Variants in NDST4 observed in about 807,000 individuals in gnomAD.
NDST4 encodes the protein N-deacetylase and N-sulfotransferase 4.
A neutral mutation model predicts 100.8 loss-of-function variants in NDST4; 63 were observed. The ratio of observed to expected loss-of-function variants is 0.62; its 90% CI spans 0.51 to 0.77. NDST4 has a LOEUF of 0.77. NDST4 is among the 30% of genes least tolerant of loss of function. The pLI, the probability that NDST4 is intolerant of heterozygous loss-of-function variation, is 0.00. For missense variants in NDST4, 943 were observed against 1,018.4 expected, an observed-to-expected ratio of 0.93 and a Z score of 1.01; for synonymous variants, 377 against 361.8, an observed-to-expected ratio of 1.04 and a Z score of -0.48.
chr4:114,929,726 A>G (rs951662863), intron 6 of NDST4, among the ~76,000 whole-genome samples: 4 of 152,262 alleles, frequency 2.6e-5, no homozygotes, highest in South Asian at 2.1e-4. Flanking sequence ...TGGAAATATT[A>G]GAAGCCAAAT....
rs147585803 is a variant in NDST4, at chr4:115,076,456, A to C, written c.581T>G (p.Phe194Cys). The C allele has an allele frequency of 1.6e-4, 252 of 1,613,962 alleles. No individual in the cohort carries two copies. The African/African-American group carries it at 2.7e-3, about 17-fold the overall frequency. ...CAGCAAAGGAGATTGAGGGTTAACA[A>C]AACAGTCCTTTAGAGCTAGATTATT... is the stretch of plus-strand genomic sequence containing the variant. ...LFNNLALKDC[F>C]VNPQSPLLHI... The change falls in exon 2 of 14, where the codon TTT (phenylalanine) becomes TGT (cysteine). Residue 194 changes from phenylalanine to cysteine, a missense_variant. Phe to Cys is a radical substitution (Grantham distance 205). This residue lies in a region of NDST4 where 417 missense variants were observed against 384.2 expected (regional missense o/e 1.09). Transcript: ENST00000264363.
At chr4:114,875,191 C>T (rs1309905283) in intron 6 of NDST4, among the ~76,000 whole-genome samples, 1 of 152,208 alleles carries the variant, frequency 6.6e-6, no homozygotes, top group African/African-American at 2.4e-5. Context: ...CTGCTTCTGG[C>T]ATCAAGCACT....
intron 2 of NDST4, among the ~76,000 whole-genome samples, chr4:114,982,223 T>C (rs1726792170): frequency 6.6e-6 from 1 of 152,008 alleles, no homozygotes; most frequent in Non-Finnish European, 1.5e-5. Flanking sequence ...GTTGGAACAG[T>C]TTGAAGGGTT....
chr4:115,094,441 A>G (rs1348887257), intron 1 of NDST4, among the ~76,000 whole-genome samples: 1 of 152,174 alleles, frequency 6.6e-6, no homozygotes, highest in East Asian at 1.9e-4. Flanking sequence ...AATAAATAAT[A>G]AGAGAAAACA....
chr4:114,829,272 T>G (rs1337518691), intron 13 of NDST4, among the ~76,000 whole-genome samples: 1 of 152,176 alleles, frequency 6.6e-6, no homozygotes, highest in Non-Finnish European at 1.5e-5. Flanking sequence ...CCTGCCGTTT[T>G]CTGGTTTCGT....
At chr4:115,074,126 C>T (rs986084248) in intron 2 of NDST4, among the ~76,000 whole-genome samples, 1 of 151,752 alleles carries the variant, frequency 6.6e-6, no homozygotes, top group East Asian at 1.9e-4. Context: ...ACACACATAG[C>T]CTTTCTGATT....
At chr4:115,021,403 A>AT (rs1727817247) in intron 2 of NDST4, among the ~76,000 whole-genome samples, 1 of 151,356 alleles carries the variant, frequency 6.6e-6, no homozygotes, top group African/African-American at 2.4e-5. Context: ...CATTCCATAT[A>AT]AATACATTCC....
At chr4:115,095,684 T>C (rs528576197) in intron 1 of NDST4, among the ~76,000 whole-genome samples, 1 of 152,202 alleles carries the variant, frequency 6.6e-6, no homozygotes, top group Non-Finnish European at 1.5e-5. Flanking sequence ...CTCTCATGCT[T>C]TTAAAAAAGT....
At chr4:114,940,275 CCA>C (rs1725720240) in intron 4 of NDST4, among the ~76,000 whole-genome samples, 1 of 151,832 alleles carries the variant, frequency 6.6e-6, no homozygotes, top group African/African-American at 2.4e-5. Context: ...CCATTAAATC[CCA>C]GTTAGTTGCG....
At chr4:115,093,362 C>T (rs1192679288) in intron 1 of NDST4, among the ~76,000 whole-genome samples, 1 of 151,876 alleles carries the variant, frequency 6.6e-6, no homozygotes, top group Non-Finnish European at 1.5e-5. Flanking sequence ...GTAGTCCCAG[C>T]TACTCTAGAG....
At chr4:114,977,532 A>G (rs530724824) in intron 2 of NDST4, among the ~76,000 whole-genome samples, 113 of 152,088 alleles carry the variant, frequency 7.4e-4, no homozygotes, top group African/African-American at 2.6e-3. Flanking sequence ...CCAACTCCAC[A>G]GCACTGAAAT....
intron 11 of NDST4, among the ~76,000 whole-genome samples, chr4:114,838,684 C>G (rs1023904232): frequency 6.6e-6 from 1 of 151,768 alleles, no homozygotes; most frequent in Non-Finnish European, 1.5e-5. Context: ...TGGGGCAAGG[C>G]GAGGGATAGC....
chr4:114,966,095 A>G (rs1294947123), intron 4 of NDST4, among the ~76,000 whole-genome samples: 2 of 152,050 alleles, frequency 1.3e-5, no homozygotes, highest in African/African-American at 4.8e-5. Flanking sequence ...TGTAACTGCC[A>G]TATTTCGGTT....
At chr4:114,982,379 G>C (rs1313958186) in intron 2 of NDST4, among the ~76,000 whole-genome samples, 1 of 152,144 alleles carries the variant, frequency 6.6e-6, no homozygotes, top group Non-Finnish European at 1.5e-5. Flanking sequence ...TTGGAAACTA[G>C]AGCAAAGGTC....
chr4:114,948,576 T>C (rs574969170), intron 4 of NDST4, among the ~76,000 whole-genome samples: 1 of 152,140 alleles, frequency 6.6e-6, no homozygotes, highest in Non-Finnish European at 1.5e-5. Flanking sequence ...TATTATATTT[T>C]CATTTTGTTA....
intron 4 of NDST4, among the ~76,000 whole-genome samples, chr4:114,965,804 G>A (rs1268772692): frequency 6.6e-6 from 1 of 151,910 alleles, no homozygotes; most frequent in Non-Finnish European, 1.5e-5. Flanking sequence ...AAGGTAAACA[G>A]TTCAGTGTAT....
At chr4:114,848,164 G>A in intron 9 of NDST4, 51 bp downstream of exon 9, 1 of 1,488,884 alleles carries the variant, frequency 6.7e-7, no homozygotes, top group Non-Finnish European at 9.1e-7. Context: ...TTGCTCTGCA[G>A]TGATTGAGCA....
chr4:115,047,529 T>C (rs1218629740), intron 2 of NDST4, among the ~76,000 whole-genome samples: 3 of 152,178 alleles, frequency 2.0e-5, no homozygotes, highest in Non-Finnish European at 4.4e-5. Flanking sequence ...TTAAATTACA[T>C]CCATTTGATT....
chr4:115,099,261 A>ATT, intron 1 of NDST4, among the ~76,000 whole-genome samples: 1 of 151,654 alleles, frequency 6.6e-6, no homozygotes, highest in East Asian at 1.9e-4. Flanking sequence ...GATGACCTTG[A>ATT]TTTTTTTTTA....
Sources: gnomAD v4.1 joint callset for allele counts (sites outside exome capture counted in the v4.1 genomes callset) on GRCh38, gnomAD v4.1.1 for gene constraint, gnomAD v4.1.1 regional missense constraint, MANE v1.5 for transcripts, NCBI Gene and HGNC (gene_info 2026-07-23, HGNC 2026-07-21) for gene names.